CYFIP2: variants seen among roughly 807,000 people sequenced by gnomAD.
CYFIP2 encodes cytoplasmic FMR1 interacting protein 2.
In CYFIP2, 29 loss-of-function variants were observed where a neutral mutation model predicts 158.7. The ratio of observed to expected loss-of-function variants is 0.18; its 90% CI spans 0.14 to 0.25. The LOEUF is 0.25. CYFIP2 is among the 10% of genes least tolerant of loss of function. CYFIP2 has a pLI of 1.00. For synonymous variants in CYFIP2, 585 were observed against 617.6 expected (o/e 0.95, Z 0.78); for missense variants, 852 against 1,639.5 (o/e 0.52, Z 8.29).
chr5:157,274,708 T>A (rs933179435), intron 1 of CYFIP2, among the ~76,000 whole-genome samples: 4 of 152,224 alleles, frequency 2.6e-5, no homozygotes, highest in Non-Finnish European at 5.9e-5. Flanking sequence ...ATTCTCAGTT[T>A]CTCCACATCC....
At chr5:157,278,695 TAGG>T (rs1441002418) in intron 1 of CYFIP2, among the ~76,000 whole-genome samples, 3 of 152,130 alleles carry the variant, frequency 2.0e-5, no homozygotes, top group Admixed American at 6.5e-5. Flanking sequence ...CTTTTTTTGG[TAGG>T]AGAATTGTTG....
At position 157,361,684 on chromosome 5, in the gene CYFIP2, T is replaced by C. The variant is rs2113367872; in HGVS notation, c.3039+86T>C. On this transcript the variant is annotated intron_variant, in intron 26 of 30. Coordinates refer to ENST00000620254, the MANE Select transcript of CYFIP2 (RefSeq NM_001037333.3). This position sits in a 1 kb window ranked among gnomAD's most constrained non-coding sequence, Gnocchi z 4.4. The stretch of plus-strand genomic sequence containing the variant: ...GCAGATATTGAGGCTCCTGCAGCAT[T>C]GATTTGTGCTTTGAGTACAAGCTCA... 1.3e-6 allele frequency: 2 copies of C among 1,533,346 alleles called. No homozygotes were observed. The highest frequency in any genetic ancestry group is 1.8e-6 in the Non-Finnish European group (2 of 1,123,808). The allele number at this position is 1,533,346 out of a possible 1,614,324, so 95.0% of individuals were successfully genotyped here.
At chr5:157,275,999 T>A (rs576208224) in intron 1 of CYFIP2, among the ~76,000 whole-genome samples, 19 of 152,254 alleles carry the variant, frequency 1.2e-4, no homozygotes, top group Non-Finnish European at 2.6e-4. Context: ...GCTGATATTG[T>A]ATCCTACAAA....
intron 16 of CYFIP2, among the ~76,000 whole-genome samples, 175 bp from the exon 17 acceptor site, chr5:157,325,307 G>GGC (rs1040699855): frequency 6.6e-6 from 1 of 152,124 alleles, no homozygotes; most frequent in African/African-American, 2.4e-5. Flanking sequence ...ATGCTTGAGA[G>GGC]GCAGTAGATG....
At chr5:157,290,606 G>A (rs968401569) in intron 3 of CYFIP2, among the ~76,000 whole-genome samples, 4 of 152,196 alleles carry the variant, frequency 2.6e-5, no homozygotes, top group African/African-American at 9.7e-5. Context: ...CAGGGATTAG[G>A]ATACAGACAT....
chr5:157,296,519 G>A lies in CYFIP2; in HGVS notation c.286-154G>A, dbSNP rs971614911. On this transcript the variant is annotated intron_variant, in intron 4 of 30. Coordinates refer to ENST00000620254, the MANE Select transcript of CYFIP2 (RefSeq NM_001037333.3). ...TGAGTTGGGAGGATCACTTGAGCCT[G>A]GGAGGTTGAGGTTTCAGTGAGCCAT... 9 of 673,650 alleles carry A rather than the reference G, an allele frequency of 1.3e-5. No individual in the cohort carries two copies. The African/African-American group carries it at 1.6e-4, about 12-fold the overall frequency. 41.7% of individuals were successfully genotyped at this position (673,650 alleles called of 1,614,324 possible).
chr5:157,377,476 G>T (rs1056955403), intron 26 of CYFIP2, among the ~76,000 whole-genome samples: 2 of 152,028 alleles, frequency 1.3e-5, no homozygotes, highest in Non-Finnish European at 2.9e-5. Context: ...AGTCTGAATT[G>T]GTTGCTCCTC....
At chr5:157,351,464 A>G (rs557278375) in intron 23 of CYFIP2, among the ~76,000 whole-genome samples, 1 of 152,362 alleles carries the variant, frequency 6.6e-6, no homozygotes, top group Non-Finnish European at 1.5e-5. Flanking sequence ...TAAAACTCAT[A>G]CAACTCAGAA....
chr5:157,381,362 TAAA>T (rs11380239), intron 26 of CYFIP2, among the ~76,000 whole-genome samples: 48 of 143,172 alleles, frequency 3.4e-4, no homozygotes, highest in African/African-American at 1.1e-3. Context: ...GTAGGTATGA[TAAA>T]AAAAAAAAAA....
intron 1 of CYFIP2, chr5:157,276,964 T>C (rs1202754312): frequency 6.6e-6 from 1 of 152,106 alleles, no homozygotes; most frequent in East Asian, 1.9e-4. Flanking sequence ...AAGTAAGAAT[T>C]ATCCTGGCAG....
At chr5:157,391,257 GGA>G (rs1361136737) in intron 30 of CYFIP2, among the ~76,000 whole-genome samples, 1 of 152,142 alleles carries the variant, frequency 6.6e-6, no homozygotes, top group Admixed American at 6.5e-5. Context: ...CCCAGTGAGA[GGA>G]GAGAGAGGTA....
At chr5:157,376,682 G>T in intron 26 of CYFIP2, 1 of 197,646 alleles carries the variant, frequency 5.1e-6, no homozygotes, top group Non-Finnish European at 1.1e-5. Flanking sequence ...TTTTCTCTTG[G>T]GTCTCATATA....
At chr5:157,379,817 C>G (rs914085620) in intron 26 of CYFIP2, among the ~76,000 whole-genome samples, 4 of 152,078 alleles carry the variant, frequency 2.6e-5, no homozygotes, top group African/African-American at 9.7e-5. Context: ...ACTGCCCAGA[C>G]AGAGCCTATT....
chr5:157,354,372 T>G (rs920061481), intron 23 of CYFIP2, among the ~76,000 whole-genome samples: 1 of 152,136 alleles, frequency 6.6e-6, no homozygotes, highest in Non-Finnish European at 1.5e-5. Context: ...TTCCAATGGC[T>G]CATGTCATGT....
intron 6 of CYFIP2, among the ~76,000 whole-genome samples, chr5:157,301,551 T>G (rs1414003226): frequency 6.6e-6 from 1 of 152,194 alleles, no homozygotes; most frequent in Non-Finnish European, 1.5e-5. Context: ...AAACCTTCTA[T>G]CAGTCACTGG....
At chr5:157,344,481 G>A (rs990575354) in intron 23 of CYFIP2, among the ~76,000 whole-genome samples, 4 of 152,166 alleles carry the variant, frequency 2.6e-5, no homozygotes, top group African/African-American at 7.2e-5. Context: ...AGTTACAGAC[G>A]TTATCGCAAA....
At position 157,392,833 on chromosome 5, in the gene CYFIP2, C is replaced by G. The variant is rs1379295281; in HGVS notation, c.3595C>G (p.Pro1199Ala). ...CTTGAACATCCCCTTCCTTCTGTAG[C>G]CCCTGAAGAAGATGGCCGACCGGAT... ...DGKDEIIKNVPLKKMADRIRK... is the reference protein window; with the variant it reads ...DGKDEIIKNVALKKMADRIRK... Residue 1199 changes from proline to alanine, a missense_variant and splice_region_variant, in exon 31 of 31, where the codon CCC (proline) becomes GCC (alanine). This residue lies in a region of CYFIP2 where 223 missense variants were observed against 381.6 expected (regional missense o/e 0.58). Coordinates refer to ENST00000620254, the MANE Select transcript of CYFIP2 (RefSeq NM_001037333.3). 3 of 1,613,522 alleles carry G rather than the reference C, an allele frequency of 1.9e-6. No individual in the cohort carries two copies. The highest frequency in any genetic ancestry group is 1.3e-5 in the African/African-American group (1 of 74,888).
chr5:157,298,267 A>G (rs1758414067), intron 5 of CYFIP2, among the ~76,000 whole-genome samples: 1 of 152,176 alleles, frequency 6.6e-6, no homozygotes, highest in Non-Finnish European at 1.5e-5. Flanking sequence ...GCCCATTTAA[A>G]GTGGATAATT....
chr5:157,369,906 G>T (rs1213742924), intron 26 of CYFIP2, among the ~76,000 whole-genome samples: 1 of 76,098 alleles, frequency 1.3e-5, no homozygotes, highest in African/African-American at 6.5e-5. Context: ...TTTAAAGACA[G>T]AGTCTTGCTC....
Sources: gnomAD v4.1 joint callset for allele counts (sites outside exome capture counted in the v4.1 genomes callset) on GRCh38, gnomAD v4.1.1 for gene constraint, gnomAD v4.1.1 regional missense constraint, Gnocchi (gnomAD v3.1) non-coding constraint, MANE v1.5 for transcripts, NCBI Gene and HGNC (gene_info 2026-07-23, HGNC 2026-07-21) for gene names.